Variants in TPST1 observed in about 807,000 individuals in gnomAD.
TPST1 encodes protein-tyrosine sulfotransferase 1.
A neutral mutation model predicts 34.8 loss-of-function variants in TPST1; 20 were observed. The ratio of observed to expected loss-of-function variants is 0.57; its 90% CI spans 0.40 to 0.84. The LOEUF (loss-of-function observed/expected upper bound fraction) is 0.84. Ranked by LOEUF, TPST1 falls within the 40% of genes least tolerant of loss-of-function variation. TPST1 has a pLI of 0.00. For synonymous variants in TPST1, 152 were observed against 159.4 expected (o/e 0.95, Z 0.35); for missense variants, 353 against 455.5 (o/e 0.78, Z 2.05).
intron 3 of TPST1, among the ~76,000 whole-genome samples, chr7:66,319,929 C>A (rs1791716213): frequency 6.6e-6 from 1 of 152,168 alleles, no homozygotes; most frequent in African/African-American, 2.4e-5. Context: ...CCTACCCCTC[C>A]AAATTATTCC....
chr7:66,307,364 C>T (rs1364069457), intron 3 of TPST1, among the ~76,000 whole-genome samples: 1 of 150,232 alleles, frequency 6.7e-6, no homozygotes, highest in Non-Finnish European at 1.5e-5. Context: ...GTGATCCGCC[C>T]GCCTCGGCCT....
intron 3 of TPST1, among the ~76,000 whole-genome samples, chr7:66,344,994 G>A (rs191239907): frequency 0.014 from 2,158 of 151,226 alleles, 56 homozygotes; most frequent in East Asian, 0.087. Flanking sequence ...AAAGTGCTGG[G>A]ATTACAGGCG....
At chr7:66,223,673 A>G (rs368768128) in intron 1 of TPST1, among the ~76,000 whole-genome samples, 11 of 152,222 alleles carry the variant, frequency 7.2e-5, no homozygotes, top group African/African-American at 2.6e-4. Flanking sequence ...AGAAGTTTGG[A>G]ACTTGGTAAC....
the TPST1 span, among the ~76,000 whole-genome samples, chr7:66,199,048 A>G: frequency 1.3e-5 from 2 of 151,956 alleles, no homozygotes; most frequent in South Asian, 4.1e-4. Flanking sequence ...TCCGTCAAAG[A>G]TCTTTGGCTC....
chr7:66,335,376 G>A (rs1396529300), intron 3 of TPST1, among the ~76,000 whole-genome samples: 1 of 151,680 alleles, frequency 6.6e-6, no homozygotes, highest in Non-Finnish European at 1.5e-5. Context: ...AGTCGCTTGA[G>A]CCTGGGAGAC....
At chr7:66,294,193 T>G (rs1791144927) in intron 3 of TPST1, among the ~76,000 whole-genome samples, 1 of 152,222 alleles carries the variant, frequency 6.6e-6, no homozygotes, top group Admixed American at 6.5e-5. Flanking sequence ...CTGGTCCCTG[T>G]CAACTGCAGT....
At chr7:66,227,707 A>G (rs1004118412) in intron 1 of TPST1, among the ~76,000 whole-genome samples, 6 of 147,458 alleles carry the variant, frequency 4.1e-5, no homozygotes, top group East Asian at 4.0e-4. Flanking sequence ...TTCTGACTGT[A>G]TTTTGAAAGT....
chr7:66,284,337 C>T (rs1790988746), intron 2 of TPST1, among the ~76,000 whole-genome samples: 1 of 145,362 alleles, frequency 6.9e-6, no homozygotes, highest in Admixed American at 7.0e-5. Flanking sequence ...TTTTTGGTGA[C>T]CTTCTGATTA....
chr7:66,242,448 T>C (rs1790055598), intron 2 of TPST1, among the ~76,000 whole-genome samples: 1 of 152,166 alleles, frequency 6.6e-6, no homozygotes, highest in African/African-American at 2.4e-5. Flanking sequence ...AGATTTCTTA[T>C]GTAGATAATC....
At chr7:66,239,885 T>A in intron 1 of TPST1, among the ~76,000 whole-genome samples, 1 of 152,158 alleles carries the variant, frequency 6.6e-6, no homozygotes, top group South Asian at 2.1e-4. Context: ...TTGTTTTGTT[T>A]TGTTTTGTTT....
At chr7:66,326,749 C>A (rs940435635) in intron 3 of TPST1, among the ~76,000 whole-genome samples, 21 of 152,354 alleles carry the variant, frequency 1.4e-4, no homozygotes, top group Admixed American at 1.4e-3. Flanking sequence ...AGTTGATACA[C>A]TGAACCATTT....
rs554302907 is a variant in TPST1 at position 66,261,059 on chromosome 7, G to A, written c.845+19789G>A. 3.3e-5 allele frequency among the ~76,000 whole-genome samples: 5 copies of A among 152,246 alleles called. No individual in the cohort carries two copies. The South Asian group carries it at 1.0e-3, about 32-fold the overall frequency. Reference sequence around the variant, plus strand: ...TTTCAGCTCCATTTCTCAACTTAGAGTCTGCTGGGCTCTGCCTGGGACCCC... The same window carrying A: ...TTTCAGCTCCATTTCTCAACTTAGAATCTGCTGGGCTCTGCCTGGGACCCC... On this transcript the variant is annotated intron_variant, in intron 2 of 5. Transcript: ENST00000304842.
At chr7:66,339,430 A>G (rs10240949) in intron 3 of TPST1, among the ~76,000 whole-genome samples, 98,118 of 151,932 alleles carry the variant, frequency 0.65, 32,039 homozygotes, top group African/African-American at 0.74. Flanking sequence ...CATTTAAAGA[A>G]CTAATACCAA....
chr7:66,270,451 C>A (rs745930373), intron 2 of TPST1, among the ~76,000 whole-genome samples: 3 of 152,202 alleles, frequency 2.0e-5, no homozygotes, highest in Non-Finnish European at 4.4e-5. Flanking sequence ...AAACTATCCA[C>A]TATTTTGGCA....
At chr7:66,340,863 T>G (rs1446616415) in intron 3 of TPST1, among the ~76,000 whole-genome samples, 1 of 152,026 alleles carries the variant, frequency 6.6e-6, no homozygotes, top group African/African-American at 2.4e-5. Flanking sequence ...ATAGAAAAAT[T>G]AGCCAGGCCT....
chr7:66,348,161 A>G (rs1792393982), intron 3 of TPST1, among the ~76,000 whole-genome samples: 1 of 152,168 alleles, frequency 6.6e-6, no homozygotes, highest in Non-Finnish European at 1.5e-5. Flanking sequence ...ATAAGAAAAA[A>G]AAAATTGTAA....
chr7:66,244,264 A>G (rs1790104206), intron 2 of TPST1, among the ~76,000 whole-genome samples: 1 of 152,216 alleles, frequency 6.6e-6, no homozygotes, highest in African/African-American at 2.4e-5. Flanking sequence ...AAAATTGTTT[A>G]AAGTAAATAT....
rs1358964674 is a variant in TPST1, at chr7:66,330,058, A to AC, written c.1045-22443dup. Among the ~76,000 whole-genome samples the AC allele has an allele frequency of 2.0e-4, 31 of 152,228 alleles. No individual in the cohort carries two copies. The East Asian group carries it at 6.0e-3, about 29-fold the overall frequency. Reference sequence around the variant, plus strand: ...CCCAAACTTCAGCATCACACACTATACCCCTGTAACAAACCTGCACATGTA... The same window carrying AC: ...CCCAAACTTCAGCATCACACACTATACCCCCTGTAACAAACCTGCACATGTA... On this transcript the variant is annotated intron_variant, in intron 3 of 5. Coordinates refer to ENST00000304842, the MANE Select transcript of TPST1 (RefSeq NM_003596.4).
intron 2 of TPST1, among the ~76,000 whole-genome samples, chr7:66,265,217 T>C (rs1790566411): frequency 6.6e-6 from 1 of 152,074 alleles, no homozygotes; most frequent in East Asian, 1.9e-4. Flanking sequence ...GACAGGAATC[T>C]CAGAAGGAGA....
Sources: allele counts gnomAD v4.1 joint callset (sites outside exome capture counted in the v4.1 genomes callset), GRCh38; gene constraint gnomAD v4.1.1; transcripts MANE v1.5; gene names NCBI Gene and HGNC (gene_info 2026-07-23, HGNC 2026-07-21).